Variants in SEPTIN7 observed in about 807,000 individuals in gnomAD.
The protein encoded by SEPTIN7 is septin-7.
A neutral mutation model predicts 63.3 loss-of-function variants in SEPTIN7; 10 were observed. The ratio of observed to expected loss-of-function variants is 0.16; its 90% CI spans 0.10 to 0.27. The LOEUF (loss-of-function observed/expected upper bound fraction) is 0.27, where lower values mean the gene tolerates loss of function less well. Among genes scored for constraint, SEPTIN7 ranks in the 10% least tolerant of loss-of-function variants. SEPTIN7 has a pLI of 1.00. For synonymous variants in SEPTIN7, 131 were observed against 165.3 expected (o/e 0.79, Z 1.59); for missense variants, 310 against 521.0 (o/e 0.59, Z 3.94).
In SEPTIN7 at chr7:35,801,282, C is replaced by A. The variant is rs1327399790; in HGVS notation, c.61+12C>A. 1 of 1,373,734 alleles carries A rather than the reference C, an allele frequency of 7.3e-7. No individual in the cohort carries two copies. Among genetic ancestry groups the A allele is most frequent in the Non-Finnish European group, 9.4e-7 (1 of 1,069,436 alleles). The allele number at this position is 1,373,734 out of a possible 1,614,324, so 85.1% of individuals were successfully genotyped here. ...CAGCAGCACCATGGGTGAGTCTCAGCTTCGGGTGCCGCGACTTGGGGTCAG... is the reference window on the plus strand; with the variant it reads ...CAGCAGCACCATGGGTGAGTCTCAGATTCGGGTGCCGCGACTTGGGGTCAG... On this transcript the variant is annotated intron_variant, in intron 1 of 13. Transcript: ENST00000350320.
chr7:35,868,264 G>GTA (rs1785938948), intron 4 of SEPTIN7, among the ~76,000 whole-genome samples: 1 of 152,068 alleles, frequency 6.6e-6, no homozygotes. Flanking sequence ...CTTCTCTGGG[G>GTA]TAACATACTT....
intron 3 of SEPTIN7, among the ~76,000 whole-genome samples, chr7:35,835,153 T>C (rs1784018473): frequency 6.6e-6 from 1 of 152,146 alleles, no homozygotes. Context: ...CATAGAAATA[T>C]GAGTCAGTAG....
chr7:35,903,693 A>G (rs1006410987), intron 13 of SEPTIN7, among the ~76,000 whole-genome samples: 2 of 152,200 alleles, frequency 1.3e-5, no homozygotes, highest in Non-Finnish European at 2.9e-5. Context: ...CTCTTAATTT[A>G]TACAAAATTC....
upstream of SEPTIN7, chr7:35,801,002 T>A (rs1427217332): frequency 6.7e-6 from 3 of 444,486 alleles, no homozygotes; most frequent in Non-Finnish European, 1.2e-5. Context: ...GAAGCCAGCC[T>A]CCGCTAGGCC....
Position 35,834,562 on chromosome 7 carries a change from T to C in SEPTIN7, c.169+1662T>C, listed in dbSNP as rs375737524. On this transcript the variant is annotated intron_variant, in intron 3 of 13. Transcript: ENST00000350320. ...GAGGCCAAAGAAAAATAGGTGTTAATATCCTTACTTTCAAGTGTTAATATC... is the reference window on the plus strand; with the variant it reads ...GAGGCCAAAGAAAAATAGGTGTTAACATCCTTACTTTCAAGTGTTAATATC... Among the ~76,000 whole-genome samples, 5 of 152,238 alleles carry C rather than the reference T, an allele frequency of 3.3e-5. No individual in the cohort carries two copies. In the East Asian group the frequency reaches 7.7e-4, roughly 23 times the overall value.
intron 1 of SEPTIN7, among the ~76,000 whole-genome samples, chr7:35,826,712 T>A (rs1397475208): frequency 2.0e-5 from 3 of 152,140 alleles, no homozygotes; most frequent in South Asian, 4.1e-4. Context: ...AAACTCCCCT[T>A]GATCAATTTT....
At chr7:35,851,953 A>G (rs1016957630) in intron 3 of SEPTIN7, among the ~76,000 whole-genome samples, 9 of 152,138 alleles carry the variant, frequency 5.9e-5, no homozygotes, top group African/African-American at 2.2e-4. Context: ...TAAATTGCCA[A>G]CCTTACTCTT....
chr7:35,910,798 T>C (rs565803460), downstream of SEPTIN7, among the ~76,000 whole-genome samples: 119 of 152,332 alleles, frequency 7.8e-4, 1 homozygote, highest in Middle Eastern at 0.014. Flanking sequence ...ATGTTATCAG[T>C]AGCTGAACAG....
chr7:35,811,405 A>T (rs891085461), intron 1 of SEPTIN7, among the ~76,000 whole-genome samples: 2 of 152,222 alleles, frequency 1.3e-5, no homozygotes, highest in African/African-American at 4.8e-5. Context: ...CAAATTAGCC[A>T]CAAGGGGAAA....
chr7:35,908,656 T>G (rs1352476055), downstream of SEPTIN7, among the ~76,000 whole-genome samples: 1 of 152,162 alleles, frequency 6.6e-6, no homozygotes, highest in Non-Finnish European at 1.5e-5. Context: ...GGGGGGGTAG[T>G]CAGACACTAC....
intron 4 of SEPTIN7, 104 bp from the exon 5 acceptor site, chr7:35,872,562 T>C: frequency 1.3e-6 from 1 of 770,404 alleles, no homozygotes; most frequent in Non-Finnish European, 2.3e-6. Context: ...TGCTAACAGT[T>C]TCCCAGTTGG....
chr7:35,897,561 A>T (rs773169652), intron 11 of SEPTIN7, among the ~76,000 whole-genome samples: 86 of 152,174 alleles, frequency 5.7e-4, no homozygotes, highest in Non-Finnish European at 8.7e-4. Context: ...GCATTTAAAA[A>T]TAATTATTAA....
rs952341410 is a variant in SEPTIN7, at chr7:35,906,952, C to T, written c.*2659C>T. 1.3e-5 allele frequency: 2 copies of T among 152,212 alleles called. No homozygotes were observed. The highest frequency in any genetic ancestry group is 2.9e-5 in the Non-Finnish European group (2 of 68,042). The allele number at this position is 152,212 out of a possible 1,614,324, so 9.4% of individuals were successfully genotyped here. ...GTTATCTAGATCATGGTCTCCAAAC[C>T]TGATGCTATTTCCTTACAAAAATAT... On this transcript the variant is annotated 3_prime_UTR_variant, in exon 14 of 14. Transcript: ENST00000350320.
chr7:35,841,364 A>C (rs763669261), intron 3 of SEPTIN7, among the ~76,000 whole-genome samples: 1 of 152,246 alleles, frequency 6.6e-6, no homozygotes, highest in Non-Finnish European at 1.5e-5. Flanking sequence ...AAATATAAGC[A>C]AGTCATTGAA....
intron 3 of SEPTIN7, among the ~76,000 whole-genome samples, chr7:35,844,764 G>C (rs952938609): frequency 1.3e-5 from 2 of 151,998 alleles, no homozygotes; most frequent in Non-Finnish European, 2.9e-5. Flanking sequence ...CACCACACCA[G>C]GCTAATTTTT....
intron 4 of SEPTIN7, among the ~76,000 whole-genome samples, chr7:35,863,957 T>C (rs1222630317): frequency 2.7e-5 from 4 of 148,922 alleles, no homozygotes; most frequent in Non-Finnish European, 5.9e-5. Flanking sequence ...GCCACATGTT[T>C]AAATAAATTA....
chr7:35,801,972 G>A (rs952160217), intron 1 of SEPTIN7, among the ~76,000 whole-genome samples: 2 of 152,178 alleles, frequency 1.3e-5, no homozygotes, highest in Non-Finnish European at 2.9e-5. Context: ...TGAGAACGGA[G>A]GGAGAATCGG....
chr7:35,837,004 G>A (rs1251356338), intron 3 of SEPTIN7, among the ~76,000 whole-genome samples: 1 of 151,826 alleles, frequency 6.6e-6, no homozygotes, highest in African/African-American at 2.4e-5. Context: ...ACTTTAAAAT[G>A]GTGAATTTTA....
At chr7:35,803,177 G>A (rs1788110041) in intron 1 of SEPTIN7, 1 of 947,852 alleles carries the variant, frequency 1.1e-6, no homozygotes, top group African/African-American at 1.8e-5. Flanking sequence ...TTGGTTTGGA[G>A]ATATTTGATG....
Sources: gnomAD v4.1 joint callset for allele counts (sites outside exome capture counted in the v4.1 genomes callset) on GRCh38, gnomAD v4.1.1 for gene constraint, MANE v1.5 for transcripts, NCBI Gene and HGNC (gene_info 2026-07-23, HGNC 2026-07-21) for gene names.